The following WWP2 variants were observed in gnomAD, a reference collection of about 807,000 sequenced individuals.
The protein encoded by WWP2 is NEDD4-like E3 ubiquitin-protein ligase WWP2.
WWP2 carries 57 observed loss-of-function variants against 121.0 expected under a neutral mutation model. That is an observed-to-expected ratio of 0.47 (90% CI 0.38 to 0.59). The LOEUF is 0.59. Among genes scored for constraint, WWP2 ranks in the 20% least tolerant of loss-of-function variants. The pLI is 0.00. For missense variants in WWP2, 962 were observed against 1,158.9 expected (o/e 0.83, Z 2.47); for synonymous variants, 449 against 441.3 (o/e 1.02, Z -0.22).
At chr16:69,802,292 G>T (rs1381378952) in intron 4 of WWP2, among the ~76,000 whole-genome samples, 1 of 152,022 alleles carries the variant, frequency 6.6e-6, no homozygotes, top group African/African-American at 2.4e-5. Context: ...TAATTTTTAG[G>T]TGTATAGGTT....
At chr16:69,918,850 T>C (rs1339841661) in intron 10 of WWP2, among the ~76,000 whole-genome samples, 2 of 151,018 alleles carry the variant, frequency 1.3e-5, no homozygotes, top group Admixed American at 6.6e-5. Flanking sequence ...TCTTTCTTTT[T>C]TTTTTTTTTT....
intron 4 of WWP2, chr16:69,827,873 G>C (rs1368389667): frequency 2.2e-6 from 1 of 455,738 alleles, no homozygotes; most frequent in Non-Finnish European, 4.4e-6. Context: ...AACCTTCCCA[G>C]ATCTGTATTT....
intron 15 of WWP2, 87 bp from the exon 16 acceptor site, chr16:69,931,715 A>T: frequency 1.3e-6 from 2 of 1,572,536 alleles, no homozygotes; most frequent in Non-Finnish European, 1.8e-6. Context: ...TCTGCTGGAT[A>T]TTGGGCCTTA....
At chr16:69,791,929 A>G (rs1403815155) in intron 2 of WWP2, among the ~76,000 whole-genome samples, 1 of 150,228 alleles carries the variant, frequency 6.7e-6, no homozygotes, top group East Asian at 1.9e-4. Context: ...GAATTTTCTT[A>G]CCAGGGTGGA....
chr16:69,818,738 C>T (rs2056541283), intron 4 of WWP2, among the ~76,000 whole-genome samples: 1 of 152,168 alleles, frequency 6.6e-6, no homozygotes, highest in Non-Finnish European at 1.5e-5. Flanking sequence ...TCTCTGGTCA[C>T]TCTCATTCAG....
chr16:69,874,130 A>C (rs563308690), intron 7 of WWP2, among the ~76,000 whole-genome samples: 10 of 151,942 alleles, frequency 6.6e-5, no homozygotes, highest in Non-Finnish European at 1.5e-4. Context: ...ATTTCTGCCC[A>C]CTCCAGTGCT....
chr16:69,917,414 G>C (rs1269660594), intron 9 of WWP2, among the ~76,000 whole-genome samples: 1 of 152,210 alleles, frequency 6.6e-6, no homozygotes, highest in African/African-American at 2.4e-5. Flanking sequence ...GCTGTGGCTG[G>C]CTCAACATAC....
intron 7 of WWP2, among the ~76,000 whole-genome samples, chr16:69,887,626 G>A (rs181338708): frequency 4.3e-4 from 66 of 152,060 alleles, no homozygotes; most frequent in African/African-American, 1.4e-3. Flanking sequence ...GGTGGATCTC[G>A]AACTCCTGAC....
chr16:69,876,707 A>G (rs2057742183), intron 7 of WWP2, among the ~76,000 whole-genome samples: 1 of 151,960 alleles, frequency 6.6e-6, no homozygotes, highest in Non-Finnish European at 1.5e-5. Context: ...AGGCAAGATG[A>G]CTCCTTGATC....
intron 4 of WWP2, among the ~76,000 whole-genome samples, chr16:69,835,896 G>A (rs1033453258): frequency 5.3e-5 from 8 of 151,222 alleles, no homozygotes; most frequent in East Asian, 3.9e-4. Flanking sequence ...TCCGCCTGCC[G>A]TGTTTAAGTG....
intron 6 of WWP2, among the ~76,000 whole-genome samples, chr16:69,843,056 G>T (rs1440014137): frequency 6.6e-6 from 1 of 152,132 alleles, no homozygotes; most frequent in Non-Finnish European, 1.5e-5. Context: ...GACTGGCTAA[G>T]TAGGTTATTG....
intron 4 of WWP2, among the ~76,000 whole-genome samples, chr16:69,825,435 A>C (rs1032429832): frequency 2.0e-5 from 3 of 151,488 alleles, no homozygotes; most frequent in African/African-American, 7.3e-5. Context: ...AAAAAAAAAA[A>C]ACCCCAAAAA....
At position 69,788,535 on chromosome 16, in the gene WWP2, A is replaced by G. The variant is rs190761548; in HGVS notation, c.70+1455A>G. On this transcript the variant is annotated intron_variant, in intron 2 of 23. Coordinates refer to ENST00000359154, the MANE Select transcript of WWP2 (RefSeq NM_001270454.2). ...CAGGCGTCTGCCTCTGGGCCTTTGC[A>G]CTTGCTGTTCCCTCTGAGTGAAATG... Among the ~76,000 whole-genome samples the G allele has an allele frequency of 3.4e-4, 51 of 152,168 alleles. No individual in the cohort carries two copies. In the East Asian group the frequency reaches 8.9e-3, roughly 26 times the overall value.
intron 2 of WWP2, among the ~76,000 whole-genome samples, chr16:69,791,894 CT>C (rs2055920632): frequency 6.6e-6 from 1 of 152,018 alleles, no homozygotes. Context: ...CTTCTAAAGG[CT>C]TTTTTGTTGC....
chr16:69,804,130 T>C (rs889747908), intron 4 of WWP2, among the ~76,000 whole-genome samples: 1 of 152,242 alleles, frequency 6.6e-6, no homozygotes, highest in Non-Finnish European at 1.5e-5. Context: ...CATTTGTAAA[T>C]GTTTTTCTAG....
intron 8 of WWP2, among the ~76,000 whole-genome samples, chr16:69,897,867 C>G (rs767722262): frequency 1.3e-5 from 2 of 151,712 alleles, no homozygotes; most frequent in Non-Finnish European, 2.9e-5. Context: ...GAGATCGTAC[C>G]ACTGCACTCT....
At chr16:69,860,559 G>C (rs985473083) in intron 6 of WWP2, among the ~76,000 whole-genome samples, 1 of 152,240 alleles carries the variant, frequency 6.6e-6, no homozygotes, top group African/African-American at 2.4e-5. Flanking sequence ...AGTCCAGGAA[G>C]AGAATGCCGG....
chr16:69,932,694 G>A (rs2058734578), intron 16 of WWP2, among the ~76,000 whole-genome samples: 1 of 152,216 alleles, frequency 6.6e-6, no homozygotes, highest in South Asian at 2.1e-4. Context: ...GCCTTGAGCA[G>A]GGCTCAACTG....
intron 8 of WWP2, among the ~76,000 whole-genome samples, chr16:69,906,579 A>G (rs139890076): frequency 6.6e-6 from 1 of 152,316 alleles, no homozygotes; most frequent in East Asian, 1.9e-4. Flanking sequence ...TCAGCACGTG[A>G]TGCAAAATTA....
Sources: gnomAD v4.1 joint callset for allele counts (sites outside exome capture counted in the v4.1 genomes callset) on GRCh38, gnomAD v4.1.1 for gene constraint, MANE v1.5 for transcripts, NCBI Gene and HGNC (gene_info 2026-07-23, HGNC 2026-07-21) for gene names.